The following HAO1 variants were observed in gnomAD, a reference collection of about 807,000 sequenced individuals.
The protein encoded by HAO1 is 2-Hydroxyacid oxidase 1.
In HAO1, 34 loss-of-function variants were observed where a neutral mutation model predicts 39.7. That is an observed-to-expected ratio of 0.86 (90% CI 0.65 to 1.14). The LOEUF (loss-of-function observed/expected upper bound fraction) is 1.14, where lower values mean the gene tolerates loss of function less well. Ranked by LOEUF, HAO1 falls within the 50% of genes most tolerant of loss-of-function variation. The probability of loss-of-function intolerance (pLI) is 0.00; values close to 1 mark genes in which losing one functional copy is unlikely to be tolerated. For synonymous variants in HAO1, 172 were observed against 173.2 expected, an observed-to-expected ratio of 0.99 and a Z score of 0.05; for missense variants, 479 against 464.5, an observed-to-expected ratio of 1.03 and a Z score of -0.29.
chr20:7,935,112 A>G (rs904598383), intron 1 of HAO1, among the ~76,000 whole-genome samples: 2 of 152,222 alleles, frequency 1.3e-5, no homozygotes, highest in African/African-American at 4.8e-5. Flanking sequence ...TTCAGTATGT[A>G]GCCTTTTGAG....
intron 4 of HAO1, among the ~76,000 whole-genome samples, chr20:7,898,164 C>A (rs56940481): frequency 0.026 from 3,952 of 152,260 alleles, 177 homozygotes; most frequent in African/African-American, 0.087. Flanking sequence ...GGATTGCTGG[C>A]AGGCATAACA....
chr20:7,919,790 A>G (rs771254083), intron 2 of HAO1, among the ~76,000 whole-genome samples: 24 of 152,120 alleles, frequency 1.6e-4, no homozygotes, highest in Non-Finnish European at 2.9e-4. Flanking sequence ...ATAGCTTTGT[A>G]TGTATTTCTA....
chr20:7,915,737 G>A (rs1456849434), intron 2 of HAO1, among the ~76,000 whole-genome samples: 1 of 151,910 alleles, frequency 6.6e-6, no homozygotes, highest in Admixed American at 6.6e-5. Context: ...TATAGACATA[G>A]AAAAATGTTT....
At chr20:7,888,457 C>T (rs1339344843) in intron 5 of HAO1, among the ~76,000 whole-genome samples, 1 of 152,012 alleles carries the variant, frequency 6.6e-6, no homozygotes, top group Non-Finnish European at 1.5e-5. Context: ...GGTATGGAAA[C>T]CTTTGTTCAA....
rs144376689 is a variant in HAO1 at position 7,940,363 on chromosome 20, T to C, written c.60A>G (p.Pro20=). 1.1e-4 allele frequency: 185 copies of C among 1,612,586 alleles called. No homozygotes were observed. The highest frequency in any genetic ancestry group is 1.7e-4 in the South Asian group (15 of 90,834). Residue 20 remains proline (P), a synonymous_variant, in exon 1 of 8, where the codon CCA becomes CCG. Transcript: ENST00000378789. ...DYEQHAKSVL[P]KSIYDYYRSG... ...ACCTGTAATAGTCATATATAGACTT[T>C]GGAAGTACTGATTTAGCATGTTGTT...
intron 2 of HAO1, among the ~76,000 whole-genome samples, chr20:7,925,967 C>T (rs76594458): frequency 0.013 from 1,990 of 152,132 alleles, 39 homozygotes; most frequent in African/African-American, 0.043. Flanking sequence ...AATACTTTAG[C>T]AATGAATTAT....
intron 4 of HAO1, among the ~76,000 whole-genome samples, chr20:7,903,868 G>A (rs1250869584): frequency 3.5e-5 from 5 of 143,324 alleles, no homozygotes; most frequent in Admixed American, 7.0e-5. Flanking sequence ...CGGTGGTGGT[G>A]GTGGTGGTGG....
At position 7,906,247 on chromosome 20, in the gene HAO1, C is replaced by A. The variant is rs529336138; in HGVS notation, c.628G>T (p.Ala210Ser). The change falls in exon 4 of 8, where the codon GCT (alanine) becomes TCT (serine). Residue 210 changes from alanine (A) to serine (S), a missense_variant. By Grantham distance (99) the Ala-to-Ser change is moderately conservative (BLOSUM62 1). Coordinates refer to ENST00000378789, the MANE Select transcript of HAO1 (RefSeq NM_017545.3). ...CTGATAGATGGGTCTATTGCTTTAG[C>A]CACATATGCAGCAAGTCCACTGTCG... ...GDDSGLAAYV[A>S]KAIDPSISWE... The A allele has an allele frequency of 6.8e-6, 11 of 1,611,118 alleles. No homozygotes were observed. Among genetic ancestry groups the A allele is most frequent in the Admixed American group, 5.0e-5 (3 of 60,010 alleles).
intron 2 of HAO1, among the ~76,000 whole-genome samples, chr20:7,931,159 T>A (rs1270013715): frequency 6.6e-6 from 1 of 152,198 alleles, no homozygotes; most frequent in African/African-American, 2.4e-5. Flanking sequence ...GAGGACCCTA[T>A]GTTTTTGAGG....
intron 4 of HAO1, among the ~76,000 whole-genome samples, chr20:7,897,398 C>T: frequency 6.6e-6 from 1 of 152,110 alleles, no homozygotes; most frequent in South Asian, 2.1e-4. Context: ...AAACTCCTAT[C>T]AGTTGGATAT....
intron 1 of HAO1, among the ~76,000 whole-genome samples, chr20:7,936,767 T>C (rs1404968625): frequency 6.6e-6 from 1 of 152,056 alleles, no homozygotes; most frequent in Non-Finnish European, 1.5e-5. Flanking sequence ...GCACAAAACG[T>C]AATTGCTACG....
At chr20:7,895,594 C>CA (rs775878126) in intron 4 of HAO1, among the ~76,000 whole-genome samples, 1,243 of 123,756 alleles carry the variant, frequency 0.01, 13 homozygotes, top group East Asian at 0.04. Context: ...TTTGGATAGC[C>CA]AAAAAAAAAA....
chr20:7,886,411 T>C (rs566333367), intron 5 of HAO1, among the ~76,000 whole-genome samples: 2 of 152,198 alleles, frequency 1.3e-5, no homozygotes, highest in East Asian at 3.9e-4. Flanking sequence ...TGACCTCAAG[T>C]GATCTGCCTG....
chr20:7,901,112 T>C (rs114739400), intron 4 of HAO1, among the ~76,000 whole-genome samples: 2,152 of 152,196 alleles, frequency 0.014, 48 homozygotes, highest in African/African-American at 0.048. Context: ...GAAAAAAAGT[T>C]TGAAGTTAGC....
chr20:7,902,380 A>G (rs960005401), intron 4 of HAO1, among the ~76,000 whole-genome samples: 2 of 152,214 alleles, frequency 1.3e-5, no homozygotes, highest in East Asian at 3.9e-4. Flanking sequence ...AACACCTAGG[A>G]AAGACCCTCC....
chr20:7,910,828 G>A (rs2050276058), intron 3 of HAO1, among the ~76,000 whole-genome samples: 1 of 152,122 alleles, frequency 6.6e-6, no homozygotes, highest in African/African-American at 2.4e-5. Context: ...AAATTTAAGA[G>A]GCTATTGTGC....
At chr20:7,884,071 T>G (rs2050140112) in intron 7 of HAO1, among the ~76,000 whole-genome samples, 1 of 152,172 alleles carries the variant, frequency 6.6e-6, no homozygotes, top group South Asian at 2.1e-4. Flanking sequence ...ATCCAGATGA[T>G]ATGGATTACA....
intron 2 of HAO1, among the ~76,000 whole-genome samples, chr20:7,927,315 C>T (rs911765253): frequency 4.0e-4 from 61 of 151,878 alleles, no homozygotes; most frequent in African/African-American, 1.2e-3. Context: ...TATTTCCTTC[C>T]ATATGTTAAA....
chr20:7,898,983 A>G (rs1471628607), intron 4 of HAO1, among the ~76,000 whole-genome samples: 2 of 151,974 alleles, frequency 1.3e-5, no homozygotes, highest in Admixed American at 6.6e-5. Flanking sequence ...AACATAGACA[A>G]TGGTATTTTT....
Sources: gnomAD v4.1 joint callset for allele counts (sites outside exome capture counted in the v4.1 genomes callset) on GRCh38, gnomAD v4.1.1 for gene constraint, MANE v1.5 for transcripts, NCBI Gene and HGNC (gene_info 2026-07-23, HGNC 2026-07-21) for gene names.